The following PTCH1 variants were observed in gnomAD, a reference collection of about 807,000 sequenced individuals.
PTCH1 encodes patched 1, also known as protein patched homolog 1.
PTCH1 carries 14 observed loss-of-function variants against 144.6 expected under a neutral mutation model. That is an observed-to-expected ratio of 0.10 (90% CI 0.06 to 0.15). The LOEUF (loss-of-function observed/expected upper bound fraction) is 0.15, where lower values mean the gene tolerates loss of function less well. Ranked by LOEUF, PTCH1 falls within the 10% of genes least tolerant of loss-of-function variation. PTCH1 has a pLI of 1.00. For missense variants in PTCH1, 1,623 were observed against 1,948.3 expected (o/e 0.83, Z 3.14); for synonymous variants, 833 against 793.6 (o/e 1.05, Z -0.83).
In PTCH1 at chr9:95,468,827, G is replaced by T. The variant is rs963297092; in HGVS notation, c.2174C>A (p.Pro725His). 6.2e-7 allele frequency: 1 copy of T among 1,614,170 alleles called. No individual in the cohort carries two copies. Among genetic ancestry groups the T allele is most frequent in the Non-Finnish European group, 8.5e-7 (1 of 1,180,016 alleles). Residue 725 changes from proline (P) to histidine (H), a missense_variant, in exon 14 of 24, where the codon CCC (proline) becomes CAC (histidine). Physicochemically the swap from Pro to His is moderately conservative, Grantham distance 77 (BLOSUM62 -2). Around this residue, in one of 7 missense-constraint regions of PTCH1, gnomAD observed 179 missense variants for 165.7 expected, o/e 1.08. Coordinates refer to ENST00000331920, the MANE Select transcript of PTCH1 (RefSeq NM_000264.5). ...TGAGAGTGTCCACTTCGTACAGGGG[G>T]GCTCGAGGCAGTGGAGGCTGGAGTC... is the stretch of plus-strand genomic sequence containing the variant. ...FSDSSLHCLEPPCTKWTLSSF... is the reference protein window; with the variant it reads ...FSDSSLHCLEHPCTKWTLSSF...
intron 20 of PTCH1, chr9:95,450,753 A>G (rs1838383497): frequency 6.6e-6 from 1 of 152,468 alleles, no homozygotes; most frequent in African/African-American, 2.4e-5. Flanking sequence ...TTCAAACATA[A>G]AGGCCGCAGC....
chr9:95,488,954 G>C (rs944014831), intron 2 of PTCH1, among the ~76,000 whole-genome samples: 5 of 152,188 alleles, frequency 3.3e-5, no homozygotes, highest in Non-Finnish European at 7.3e-5. Flanking sequence ...GGAGAGAAGG[G>C]AGGCAAGTGT....
At chr9:95,472,839 A>T (rs1183721665) in intron 12 of PTCH1, among the ~76,000 whole-genome samples, 7 of 152,254 alleles carry the variant, frequency 4.6e-5, no homozygotes, top group African/African-American at 1.7e-4. Flanking sequence ...CCAAAATAGT[A>T]AAACAACCAG....
At chr9:95,495,171 C>G (rs925022458) in intron 2 of PTCH1, 5 of 152,210 alleles carry the variant, frequency 3.3e-5, no homozygotes, top group Admixed American at 6.5e-5. Flanking sequence ...GATTAGGGGC[C>G]AGTACATAAG....
chr9:95,488,672 G>A (rs900779824), intron 2 of PTCH1, among the ~76,000 whole-genome samples: 12 of 152,152 alleles, frequency 7.9e-5, no homozygotes, highest in East Asian at 1.9e-4. Context: ...ACCAGTCAGC[G>A]TAGTCTCTCT....
rs147044276 is a variant in PTCH1 at position 95,458,271 on chromosome 9, C to T, written c.2910G>A (p.Glu970=). The T allele has an allele frequency of 5.6e-6, 9 of 1,613,950 alleles. No individual in the cohort carries two copies. The East Asian group carries it at 1.8e-4, about 32-fold the overall frequency. The stretch of plus-strand genomic sequence containing the variant: ...TGAGGTAGAAAGGGAACTGGGCATA[C>T]TCGATGGGCTCTGCTGCCGGGACTG... ...RLRIPAAEPI[E]YAQFPFYLNG... The change falls in exon 18 of 24, where the codon GAG becomes GAA. Residue 970 remains glutamate, a synonymous_variant. Transcript: ENST00000331920. The surrounding 1 kb of genome is among the most constrained non-coding windows in gnomAD (Gnocchi z 4.7).
chr9:95,472,423 C>T (rs1588585913), intron 12 of PTCH1, among the ~76,000 whole-genome samples: 2 of 152,148 alleles, frequency 1.3e-5, no homozygotes, highest in South Asian at 2.1e-4. Flanking sequence ...GGTTAGGACA[C>T]CTGACCGTGA....
rs867973996 is a variant in PTCH1 at position 95,458,237 on chromosome 9, G to A, written c.2944C>T (p.Arg982Trp). ...GCCTCCACAAAGTCTGAGGTGTCCCGCAAGCCGTTGAGGTAGAAAGGGAAC... is the reference window on the plus strand; with the variant it reads ...GCCTCCACAAAGTCTGAGGTGTCCCACAAGCCGTTGAGGTAGAAAGGGAAC... Reference protein sequence around the residue: ...AQFPFYLNGLRDTSDFVEAIE... With the variant: ...AQFPFYLNGLWDTSDFVEAIE... The change falls in exon 18 of 24, where the codon CGG becomes TGG. Residue 982 changes from arginine to tryptophan, a missense_variant. Arg to Trp is a moderately radical substitution (Grantham distance 101). This residue lies in a region of PTCH1 where 504 missense variants were observed against 679.3 expected (regional missense o/e 0.74). Coordinates refer to ENST00000331920, the MANE Select transcript of PTCH1 (RefSeq NM_000264.5). This position sits in a 1 kb window ranked among gnomAD's most constrained non-coding sequence, Gnocchi z 4.7. The A allele has an allele frequency of 5.0e-6, 8 of 1,613,910 alleles. No homozygotes were observed. In the East Asian group the frequency reaches 8.9e-5, roughly 18 times the overall value.
chr9:95,443,161 C>A lies in PTCH1; in HGVS notation c.*3232G>T, dbSNP rs357565. On this transcript the variant is annotated 3_prime_UTR_variant, in exon 24 of 24. Transcript: ENST00000331920. ...AATTAATTAATGGGTACAATGTACACTATTTGGGTGATGATCACACTAAAA... is the reference window on the plus strand; with the variant it reads ...AATTAATTAATGGGTACAATGTACAATATTTGGGTGATGATCACACTAAAA... The A allele has an allele frequency of 0.24, 37,107 of 152,040 alleles. 4,643 individuals are homozygous for A. Among genetic ancestry groups the A allele is most frequent in the Non-Finnish European group, 0.28 (18,911 of 67,964 alleles). 9.4% of individuals were successfully genotyped at this position (152,040 alleles called of 1,614,324 possible).
intron 2 of PTCH1, among the ~76,000 whole-genome samples, chr9:95,499,892 C>T (rs574592326): frequency 6.6e-6 from 1 of 151,970 alleles, no homozygotes. Context: ...GCGCCCCTTT[C>T]TCCGCCCAAT....
upstream of PTCH1, among the ~76,000 whole-genome samples, chr9:95,510,357 CTG>C (rs1052021864): frequency 6.6e-6 from 1 of 152,164 alleles, no homozygotes; most frequent in African/African-American, 2.4e-5. Flanking sequence ...TGAAAACAAA[CTG>C]TGCGCGGATC....
chr9:95,508,670 G>A lies in PTCH1; in HGVS notation c.-309C>T. 1 of 987,634 alleles carries A rather than the reference G, an allele frequency of 1.0e-6. No individual in the cohort carries two copies. The highest frequency in any genetic ancestry group is 1.2e-6 in the Non-Finnish European group (1 of 831,570). The allele number at this position is 987,634 out of a possible 1,614,324, so 61.2% of individuals were successfully genotyped here. On this transcript the variant is annotated 5_prime_UTR_variant, in exon 1 of 24. Coordinates refer to ENST00000331920, the MANE Select transcript of PTCH1 (RefSeq NM_000264.5). ...CTGCCCACATCCAGTTCGCGGAAGA[G>A]CGAGAGCCGGCGCGCCGAGCGAGCC...
At chr9:95,472,601 G>A (rs1268992388) in intron 12 of PTCH1, among the ~76,000 whole-genome samples, 1 of 152,222 alleles carries the variant, frequency 6.6e-6, no homozygotes, top group Non-Finnish European at 1.5e-5. Context: ...GTGTTCATGA[G>A]GATGAGGAGA....
intron 2 of PTCH1, among the ~76,000 whole-genome samples, chr9:95,504,649 G>C (rs1843421617): frequency 6.6e-6 from 1 of 152,036 alleles, no homozygotes; most frequent in Non-Finnish European, 1.5e-5. Context: ...CGCCCCTACA[G>C]TCTAGCCAAT....
At chr9:95,480,696 G>A (rs1588610947) in intron 5 of PTCH1, 108 bp from the exon 6 acceptor site, 3 of 1,155,062 alleles carry the variant, frequency 2.6e-6, no homozygotes, top group African/African-American at 3.1e-5. Flanking sequence ...TCCTGGCAAT[G>A]CTGCAGTTCT....
At chr9:95,453,455 T>C in intron 20 of PTCH1, 23 bp downstream of exon 20, 1 of 1,613,690 alleles carries the variant, frequency 6.2e-7, no homozygotes, top group Non-Finnish European at 8.5e-7. Flanking sequence ...CTAAAACATG[T>C]CTCCTTGCAC....
In PTCH1 at chr9:95,462,018, G is replaced by GT. The variant is rs780667494; in HGVS notation, c.2561-21dup. 2.4e-5 allele frequency: 38 copies of GT among 1,614,052 alleles called. No homozygotes were observed. In the African/African-American group the frequency reaches 4.0e-4, roughly 17 times the overall value. ...GAAGTCCTAGAAATGGCAAATGATT[G>GT]TAACACATTATAACTCGCAGCCAGA... On this transcript the variant is annotated intron_variant, in intron 15 of 23. Transcript: ENST00000331920.
At position 95,479,990 on chromosome 9, in the gene PTCH1, T is replaced by C. The variant is rs1841398058; in HGVS notation, c.1046A>G (p.Asn349Ser). The change falls in exon 7 of 24, where the codon AAC (asparagine) becomes AGC (serine). Residue 349 changes from asparagine to serine, a missense_variant. Asn to Ser is a conservative substitution (Grantham distance 46). Transcript: ENST00000331920. ...EELIVGGTVKNSTGKLVSAHA... is the reference protein window; with the variant it reads ...EELIVGGTVKSSTGKLVSAHA... ...TTACCTGACGAGTTTTCCAGTGCTG[T>C]TCTTGACTGTGCCACCCACAATCAA... 1.9e-6 allele frequency: 3 copies of C among 1,614,040 alleles called. No individual in the cohort carries two copies. Among genetic ancestry groups the C allele is most frequent in the South Asian group, 2.2e-5 (2 of 91,068 alleles).
intron 13 of PTCH1, 31 bp downstream of exon 13, chr9:95,469,782 A>T: frequency 4.4e-6 from 7 of 1,574,872 alleles, no homozygotes; most frequent in Non-Finnish European, 6.1e-6. Flanking sequence ...TCTGCACCCA[A>T]TCAAAAGGCC....
Sources: allele counts gnomAD v4.1 joint callset (sites outside exome capture counted in the v4.1 genomes callset), GRCh38; gene constraint gnomAD v4.1.1; regional missense constraint gnomAD v4.1.1; non-coding constraint Gnocchi (gnomAD v3.1); transcripts MANE v1.5; gene names NCBI Gene and HGNC (gene_info 2026-07-23, HGNC 2026-07-21).